Variants in ABTB3 observed in about 807,000 individuals in gnomAD.
ABTB3 encodes ankyrin repeat- and BTB/POZ domain-containing protein 3.
chr12:107,508,066 A>AGATGGATGGATG, the ABTB3 span, among the ~76,000 whole-genome samples: 28 of 146,840 alleles, frequency 1.9e-4, no homozygotes, highest in African/African-American at 6.9e-4. Flanking sequence ...AAGGGTAGAA[A>AGATGGATGGATG]GATGGATGGA....
the ABTB3 span, chr12:107,617,765 C>T: frequency 2.7e-6 from 1 of 368,888 alleles, no homozygotes; most frequent in Non-Finnish European, 4.9e-6. Flanking sequence ...ATAATAAAAC[C>T]TTTCATATTT....
At chr12:107,535,867 A>T in the ABTB3 span, among the ~76,000 whole-genome samples, 1 of 152,112 alleles carries the variant, frequency 6.6e-6, no homozygotes, top group Non-Finnish European at 1.5e-5. Context: ...TTATCAAAAC[A>T]CCAATGACAT....
the ABTB3 span, among the ~76,000 whole-genome samples, chr12:107,377,639 T>C: frequency 1.3e-5 from 2 of 152,184 alleles, no homozygotes; most frequent in Non-Finnish European, 2.9e-5. Flanking sequence ...TGATGTTTTC[T>C]GGTTAGACGA....
At chr12:107,622,592 G>A in the ABTB3 span, among the ~76,000 whole-genome samples, 4 of 151,682 alleles carry the variant, frequency 2.6e-5, no homozygotes, top group Non-Finnish European at 5.9e-5. Flanking sequence ...AGCCATTCTC[G>A]TGTCTCAGCC....
chr12:107,423,749 C>A, the ABTB3 span, among the ~76,000 whole-genome samples: 2 of 152,196 alleles, frequency 1.3e-5, no homozygotes, highest in African/African-American at 2.4e-5. Flanking sequence ...CCACTCCAGG[C>A]CTGTCCCTCA....
chr12:107,340,501 G>A, the ABTB3 span, among the ~76,000 whole-genome samples: 4 of 152,134 alleles, frequency 2.6e-5, no homozygotes, highest in South Asian at 8.3e-4. Context: ...CCTGTGGATG[G>A]TGCTGTGTGT....
At chr12:107,581,136 C>A in the ABTB3 span, 1 of 1,543,990 alleles carries the variant, frequency 6.5e-7, no homozygotes, top group Non-Finnish European at 8.7e-7. Flanking sequence ...TCTCCGGGTC[C>A]CTCCTCCCAC....
At chr12:107,483,813 T>C in the ABTB3 span, among the ~76,000 whole-genome samples, 1 of 152,142 alleles carries the variant, frequency 6.6e-6, no homozygotes, top group African/African-American at 2.4e-5. Context: ...TAGCCTCCCA[T>C]GTAGCTGGGA....
At chr12:107,577,142 C>A in the ABTB3 span, among the ~76,000 whole-genome samples, 4 of 152,186 alleles carry the variant, frequency 2.6e-5, no homozygotes, top group Admixed American at 2.0e-4. Flanking sequence ...GCTGTTCTCA[C>A]TGCAATGTCA....
chr12:107,401,607 G>C, the ABTB3 span, among the ~76,000 whole-genome samples: 1 of 152,182 alleles, frequency 6.6e-6, no homozygotes, highest in Non-Finnish European at 1.5e-5. Flanking sequence ...GCTTGATCTT[G>C]AGCGGATGCC....
At chr12:107,574,293 C>T in the ABTB3 span, among the ~76,000 whole-genome samples, 1 of 152,332 alleles carries the variant, frequency 6.6e-6, no homozygotes, top group South Asian at 2.1e-4. Flanking sequence ...ACCCCTTTTC[C>T]TCCCCAACTT....
chr12:107,644,925 A>AT, the ABTB3 span, among the ~76,000 whole-genome samples: 31,988 of 150,196 alleles, frequency 0.21, 3,646 homozygotes, highest in Middle Eastern at 0.29. Flanking sequence ...CTCATTCTTT[A>AT]TGGCTGCATA....
the ABTB3 span, among the ~76,000 whole-genome samples, chr12:107,437,401 CT>C: frequency 0.74 from 102,053 of 138,070 alleles, 38,228 homozygotes; most frequent in East Asian, 0.82. Context: ...TTTCTTTTTT[CT>C]TTTTTTTTTT....
chr12:107,618,695 T>G, the ABTB3 span, among the ~76,000 whole-genome samples: 1 of 152,290 alleles, frequency 6.6e-6, no homozygotes, highest in Admixed American at 6.5e-5. Context: ...CTTGTCTGAA[T>G]ACCAGTTGCC....
the ABTB3 span, among the ~76,000 whole-genome samples, chr12:107,353,258 G>GC: frequency 6.7e-6 from 1 of 148,292 alleles, no homozygotes; most frequent in African/African-American, 2.6e-5. Context: ...CCAGCATGGT[G>GC]GGGGGGAGAT....
the ABTB3 span, among the ~76,000 whole-genome samples, chr12:107,441,388 C>T: frequency 1.8e-4 from 28 of 152,126 alleles, no homozygotes; most frequent in Non-Finnish European, 2.9e-4. Flanking sequence ...CATGTCCTCA[C>T]TTATAAGTGG....
At chr12:107,626,465 C>T in the ABTB3 span, among the ~76,000 whole-genome samples, 1 of 151,588 alleles carries the variant, frequency 6.6e-6, no homozygotes, top group Non-Finnish European at 1.5e-5. Context: ...CCTGCCTCAG[C>T]ATCCAGAGTA....
the ABTB3 span, among the ~76,000 whole-genome samples, chr12:107,379,242 C>T: frequency 1.3e-5 from 2 of 152,146 alleles, no homozygotes; most frequent in Non-Finnish European, 2.9e-5. Context: ...GTTGGCATTG[C>T]TCTTGGTGTT....
the ABTB3 span, among the ~76,000 whole-genome samples, chr12:107,644,691 A>T: frequency 6.6e-6 from 1 of 152,084 alleles, no homozygotes; most frequent in East Asian, 1.9e-4. Context: ...TGTTCTGATT[A>T]TTTTGTCACC....
Sources: gnomAD v4.1 joint callset for allele counts (sites outside exome capture counted in the v4.1 genomes callset) on GRCh38, gnomAD v4.1.1 for gene constraint, MANE v1.5 for transcripts, NCBI Gene and HGNC (gene_info 2026-07-23, HGNC 2026-07-21) for gene names.